The following IMPG2 variants were observed in gnomAD, a reference collection of about 807,000 sequenced individuals.
The protein encoded by IMPG2 is interphotoreceptor matrix proteoglycan 2.
Under a neutral mutation model 129.2 loss-of-function variants are expected in IMPG2, and 91 were observed. The observed-to-expected ratio is 0.70, with a 90% CI of 0.59 to 0.84. The LOEUF (loss-of-function observed/expected upper bound fraction) is 0.84. Among genes scored for constraint, IMPG2 ranks in the 40% least tolerant of loss-of-function variants. The probability of loss-of-function intolerance (pLI) is 0.00; values close to 1 mark genes in which losing one functional copy is unlikely to be tolerated. For synonymous variants in IMPG2, 510 were observed against 517.7 expected (o/e 0.99, Z 0.20); for missense variants, 1,430 against 1,461.7 (o/e 0.98, Z 0.35).
intron 2 of IMPG2, among the ~76,000 whole-genome samples, chr3:101,316,942 C>A (rs1027227046): frequency 1.3e-5 from 2 of 151,916 alleles, no homozygotes; most frequent in Non-Finnish European, 2.9e-5. Context: ...AATAATTACA[C>A]TGAGTAAAAG....
At chr3:101,234,000 C>A (rs1706318838) in intron 14 of IMPG2, among the ~76,000 whole-genome samples, 1 of 151,344 alleles carries the variant, frequency 6.6e-6, no homozygotes, top group Admixed American at 6.6e-5. Context: ...CAAGTCTGTG[C>A]CCTTGGAGTT....
At chr3:101,299,211 A>C (rs921928598) in intron 3 of IMPG2, among the ~76,000 whole-genome samples, 1 of 152,134 alleles carries the variant, frequency 6.6e-6, no homozygotes, top group African/African-American at 2.4e-5. Context: ...TTTTTCATGA[A>C]GTTCTCATGC....
chr3:101,283,214 G>A (rs1172262502), intron 4 of IMPG2, among the ~76,000 whole-genome samples: 10 of 151,928 alleles, frequency 6.6e-5, no homozygotes, highest in South Asian at 2.1e-4. Flanking sequence ...TTGTAGAGAC[G>A]GGATTTCACC....
At chr3:101,287,000 T>G (rs1405667391) in intron 4 of IMPG2, among the ~76,000 whole-genome samples, 1 of 152,214 alleles carries the variant, frequency 6.6e-6, no homozygotes, top group Non-Finnish European at 1.5e-5. Context: ...TATTTATTAG[T>G]TGATACATTA....
intron 2 of IMPG2, among the ~76,000 whole-genome samples, chr3:101,310,559 C>CAAAAAAAA (rs199570786): frequency 4.0e-5 from 5 of 126,518 alleles, no homozygotes; most frequent in African/African-American, 1.7e-4. Flanking sequence ...GACCCTGTCT[C>CAAAAAAAA]AAAAAAAAAA....
chr3:101,236,485 T>C lies in IMPG2; in HGVS notation c.3023-3494A>G, dbSNP rs145686976. Among the ~76,000 whole-genome samples the C allele has an allele frequency of 5.9e-3, 893 of 152,148 alleles. 11 individuals are homozygous for C. The highest frequency in any genetic ancestry group is 0.02 in the African/African-American group (836 of 41,512). ...TGCAGAAGGTGGGTGATTTCTGCATTTCCAACTGAGGTACCTGGCTCATCT... is the reference window on the plus strand; with the variant it reads ...TGCAGAAGGTGGGTGATTTCTGCATCTCCAACTGAGGTACCTGGCTCATCT... On this transcript the variant is annotated intron_variant, in intron 14 of 18. Transcript: ENST00000193391.
chr3:101,246,027 C>T lies in IMPG2; in HGVS notation c.1318G>A (p.Gly440Ser). Residue 440 changes from glycine (G) to serine (S), a missense_variant, in exon 12 of 19, where the codon GGT becomes AGT. Physicochemically the swap from Gly to Ser is moderately conservative, Grantham distance 56 (BLOSUM62 0). Coordinates refer to ENST00000193391, the MANE Select transcript of IMPG2 (RefSeq NM_016247.4). ...SSIPPLDFSS[G>S]PPSATGRELW... ...TCCCTGCCAGTGGCTGAGGGAGGAC[C>T]AGAGCTGAAATCAAGTGGTGGAATA... 1 of 1,614,102 alleles carries T rather than the reference C, an allele frequency of 6.2e-7. No individual in the cohort carries two copies. Among genetic ancestry groups the T allele is most frequent in the South Asian group, 1.1e-5 (1 of 91,080 alleles).
At chr3:101,279,483 C>T (rs1706871489) in intron 4 of IMPG2, among the ~76,000 whole-genome samples, 1 of 152,174 alleles carries the variant, frequency 6.6e-6, no homozygotes, top group South Asian at 2.1e-4. Flanking sequence ...ACTTGGCCTT[C>T]ATGATACTGG....
intron 11 of IMPG2, among the ~76,000 whole-genome samples, chr3:101,247,015 G>T (rs1169745498): frequency 1.3e-5 from 2 of 151,744 alleles, no homozygotes; most frequent in Non-Finnish European, 2.9e-5. Flanking sequence ...AGGATCACTT[G>T]ATCCTGAAAG....
intron 4 of IMPG2, among the ~76,000 whole-genome samples, chr3:101,283,466 G>T (rs1350756264): frequency 1.3e-5 from 2 of 152,040 alleles, no homozygotes; most frequent in Non-Finnish European, 2.9e-5. Flanking sequence ...TGTTATAGTA[G>T]AACTAACTAT....
At chr3:101,269,357 G>A (rs1706753771) in intron 8 of IMPG2, among the ~76,000 whole-genome samples, 158 bp downstream of exon 8, 1 of 152,076 alleles carries the variant, frequency 6.6e-6, no homozygotes, top group Non-Finnish European at 1.5e-5. Flanking sequence ...TTTCTCACCT[G>A]AAAAACTAAC....
intron 2 of IMPG2, among the ~76,000 whole-genome samples, chr3:101,314,454 G>C (rs2058773155): frequency 6.6e-6 from 1 of 152,094 alleles, no homozygotes; most frequent in South Asian, 2.1e-4. Flanking sequence ...AACTTGTATA[G>C]TAAGTTTTAA....
intron 7 of IMPG2, among the ~76,000 whole-genome samples, chr3:101,272,520 A>G (rs765250956): frequency 5.9e-5 from 9 of 152,180 alleles, no homozygotes; most frequent in Non-Finnish European, 1.2e-4. Flanking sequence ...CAGTCATTCC[A>G]TGCAATTGTT....
At chr3:101,269,926 CTTTTTTTTTTT>C (rs5851267) in intron 7 of IMPG2, among the ~76,000 whole-genome samples, 54 of 106,960 alleles carry the variant, frequency 5.0e-4, no homozygotes, top group Non-Finnish European at 6.9e-4. Context: ...TTATTTTATT[CTTTTTTTTTTT>C]TTTTTTTTTT....
Position 101,247,917 on chromosome 3 carries a change from C to T in IMPG2, c.1240-1812G>A, listed in dbSNP as rs1463924937. Among the ~76,000 whole-genome samples the T allele has an allele frequency of 4.6e-5, 7 of 152,188 alleles. No homozygotes were observed. The Middle Eastern group carries it at 0.01, about 222-fold the overall frequency. On this transcript the variant is annotated intron_variant, in intron 11 of 18. Transcript: ENST00000193391. ...CTATAGCTATGAACAAAATGAAAAC[C>T]GCAAATAAGAAATGCTGAATCGAAC...
rs61555280 is a variant in IMPG2, at chr3:101,311,956, C to T, written c.334+7628G>A. ...ACTCAGTGGAAAAGAATAGCCTTTT[C>T]GACAAATGGTGCTTGGAGAACTGGA... On this transcript the variant is annotated intron_variant, in intron 2 of 18. Transcript: ENST00000193391. 3.4e-3 allele frequency among the ~76,000 whole-genome samples: 515 copies of T among 152,012 alleles called. 1 individual carries two copies. Among genetic ancestry groups the T allele is most frequent in the African/African-American group, 0.012 (479 of 41,472 alleles).
At position 101,254,578 on chromosome 3, in the gene IMPG2, CTT is replaced by C. The variant is rs1177511510; in HGVS notation, c.1154-799_1154-798del. 5.9e-5 allele frequency among the ~76,000 whole-genome samples: 9 copies of C among 152,168 alleles called. 1 individual carries two copies. The East Asian group carries it at 1.5e-3, about 26-fold the overall frequency. ...GCAACCAAAAACAGAAGTAGAGTCTCTTTATCCACCTGTTCCCACTGGCCTCA... is the reference window on the plus strand; with the variant it reads ...GCAACCAAAAACAGAAGTAGAGTCTCTATCCACCTGTTCCCACTGGCCTCA... On this transcript the variant is annotated intron_variant, in intron 10 of 18. Transcript: ENST00000193391.
rs1446343641 is a variant in IMPG2, at chr3:101,231,003, T to A, written c.3376A>T (p.Thr1126Ser). The change falls in exon 16 of 19, where the codon ACT (threonine) becomes TCT (serine). Residue 1126 changes from threonine to serine, a missense_variant. Coordinates refer to ENST00000193391, the MANE Select transcript of IMPG2 (RefSeq NM_016247.4). ...FSAIIYFFIRTLQAHHDRSER... is the reference protein window; with the variant it reads ...FSAIIYFFIRSLQAHHDRSER... ...CTCCTGTCATGGTGTGCTTGGAGAG[T>A]CCTGATGAAGAAGTAGATGATAGCA... The A allele has an allele frequency of 5.0e-6, 8 of 1,613,724 alleles. No homozygotes were observed. The Admixed American group carries it at 1.2e-4, about 24-fold the overall frequency.
intron 11 of IMPG2, among the ~76,000 whole-genome samples, chr3:101,251,849 T>C (rs1217479306): frequency 2.0e-5 from 3 of 152,128 alleles, no homozygotes; most frequent in African/African-American, 4.8e-5. Context: ...CTCACTTCTA[T>C]GGTAGAGTAA....
Sources: gnomAD v4.1 joint callset for allele counts (sites outside exome capture counted in the v4.1 genomes callset) on GRCh38, gnomAD v4.1.1 for gene constraint, MANE v1.5 for transcripts, NCBI Gene and HGNC (gene_info 2026-07-23, HGNC 2026-07-21) for gene names.